MOB1A: variants seen among roughly 807,000 people sequenced by gnomAD.
MOB1A encodes MOB1 Mps One Binder homolog A.
A neutral mutation model predicts 25.1 loss-of-function variants in MOB1A; 10 were observed. The observed-to-expected ratio is 0.40, with a 90% CI of 0.25 to 0.68. The LOEUF is 0.68. Ranked by LOEUF, MOB1A falls within the 30% of genes least tolerant of loss-of-function variation. The pLI is 0.40. For synonymous variants in MOB1A, 81 were observed against 79.5 expected (o/e 1.02, Z -0.10); for missense variants, 177 against 256.3 (o/e 0.69, Z 2.11).
intron 2 of MOB1A, among the ~76,000 whole-genome samples, chr2:74,171,811 G>C (rs1305563327): frequency 6.6e-6 from 1 of 152,070 alleles, no homozygotes; most frequent in African/African-American, 2.4e-5. Flanking sequence ...ACTGAGACAG[G>C]AGAATGGCTT....
chr2:74,178,746 G>T lies in MOB1A; in HGVS notation c.-72C>A. 1 of 840,630 alleles carries T rather than the reference G, an allele frequency of 1.2e-6. No homozygotes were observed. Among genetic ancestry groups the T allele is most frequent in the East Asian group, 3.5e-5 (1 of 28,780 alleles). The allele number at this position is 840,630 out of a possible 1,614,324, so 52.1% of individuals were successfully genotyped here. A position where few individuals can be genotyped will look rare whatever the true frequency, so the allele number is the denominator to read the frequency against. ...ATCAGGATTCGGAGCTGGCTAGAGGGAGCGGACCGTCCTTAGCTCACGGGC... is the reference window on the plus strand; with the variant it reads ...ATCAGGATTCGGAGCTGGCTAGAGGTAGCGGACCGTCCTTAGCTCACGGGC... On this transcript the variant is annotated 5_prime_UTR_variant, in exon 1 of 6. Coordinates refer to ENST00000396049, the MANE Select transcript of MOB1A (RefSeq NM_018221.5).
chr2:74,168,201 T>C (rs1418570928), intron 2 of MOB1A, among the ~76,000 whole-genome samples: 1 of 152,104 alleles, frequency 6.6e-6, no homozygotes, highest in East Asian at 1.9e-4. Context: ...CGATAAATGC[T>C]ACAGAGAAAA....
chr2:74,167,465 G>A (rs1457506924), intron 2 of MOB1A, among the ~76,000 whole-genome samples: 2 of 152,084 alleles, frequency 1.3e-5, no homozygotes, highest in Non-Finnish European at 2.9e-5. Context: ...TGGCCAGGCT[G>A]GTCTTGAACT....
intron 4 of MOB1A, chr2:74,164,222 G>GA: frequency 6.6e-6 from 1 of 152,052 alleles, no homozygotes; most frequent in Non-Finnish European, 1.5e-5. Context: ...AGCATTCAGG[G>GA]AAAAAAAACT....
At chr2:74,167,197 G>A in intron 2 of MOB1A, 90 bp from the exon 3 acceptor site, 1 of 905,764 alleles carries the variant, frequency 1.1e-6, no homozygotes, top group South Asian at 1.5e-5. Flanking sequence ...ATACATTTAG[G>A]TTCTTAGCTG....
At chr2:74,177,445 A>AG (rs1427890651) in intron 1 of MOB1A, among the ~76,000 whole-genome samples, 1 of 152,236 alleles carries the variant, frequency 6.6e-6, no homozygotes, top group African/African-American at 2.4e-5. Context: ...AAAAAAGTGG[A>AG]GGAGGGAGGA....
intron 4 of MOB1A, among the ~76,000 whole-genome samples, chr2:74,159,507 G>A (rs977680743): frequency 6.6e-6 from 1 of 151,952 alleles, no homozygotes; most frequent in African/African-American, 2.4e-5. Flanking sequence ...GGCTGGTCTT[G>A]AACTCCTGAG....
At chr2:74,159,403 C>A in intron 4 of MOB1A, 149 bp from the exon 5 acceptor site, 2 of 678,624 alleles carry the variant, frequency 2.9e-6, no homozygotes, top group Non-Finnish European at 2.5e-6. Context: ...CTGATCCTCC[C>A]ACCTTGGCCC....
At chr2:74,158,194 AG>A in intron 5 of MOB1A, among the ~76,000 whole-genome samples, 1 of 94,374 alleles carries the variant, frequency 1.1e-5, no homozygotes, top group Non-Finnish European at 1.9e-5. Flanking sequence ...AAAAAAAAAA[AG>A]AGGGGGGAAA....
At chr2:74,177,603 A>G (rs1335170060) in intron 1 of MOB1A, among the ~76,000 whole-genome samples, 1 of 152,212 alleles carries the variant, frequency 6.6e-6, no homozygotes. Context: ...GCTATTTTAT[A>G]ATAGTAAATA....
intron 2 of MOB1A, among the ~76,000 whole-genome samples, chr2:74,171,083 C>T (rs1693281018): frequency 6.6e-6 from 1 of 151,966 alleles, no homozygotes; most frequent in Non-Finnish European, 1.5e-5. Context: ...AGTTCGAGAC[C>T]AGCCTGGCCA....
chr2:74,159,981 T>A (rs1333263298), intron 4 of MOB1A, among the ~76,000 whole-genome samples: 1 of 151,926 alleles, frequency 6.6e-6, no homozygotes, highest in East Asian at 1.9e-4. Flanking sequence ...TACACCTGGC[T>A]GATTTTTGTA....
intron 5 of MOB1A, 102 bp downstream of exon 5, chr2:74,158,989 T>C (rs796096117): frequency 1.9e-5 from 21 of 1,100,014 alleles, no homozygotes; most frequent in South Asian, 1.6e-4. Context: ...TTGCCTGTAA[T>C]TGGCTCTACA....
chr2:74,173,651 TAGA>T (rs1558839000), intron 1 of MOB1A, among the ~76,000 whole-genome samples: 1 of 151,110 alleles, frequency 6.6e-6, no homozygotes, highest in African/African-American at 2.4e-5. Context: ...CAAAGTGCTA[TAGA>T]AAATGATGGG....
At chr2:74,172,553 T>A in intron 2 of MOB1A, 33 bp downstream of exon 2, 1 of 1,587,622 alleles carries the variant, frequency 6.3e-7, no homozygotes, top group Non-Finnish European at 8.5e-7. Flanking sequence ...AAAACCTTTC[T>A]AGAAAACAGC....
At chr2:74,176,548 A>G (rs1471669869) in intron 1 of MOB1A, among the ~76,000 whole-genome samples, 1 of 151,896 alleles carries the variant, frequency 6.6e-6, no homozygotes, top group African/African-American at 2.4e-5. Flanking sequence ...GCGGATCACT[A>G]GGTCAGGATA....
At chr2:74,162,269 T>G (rs2103703598) in intron 4 of MOB1A, among the ~76,000 whole-genome samples, 2 of 151,928 alleles carry the variant, frequency 1.3e-5, no homozygotes, top group Middle Eastern at 6.8e-3. Context: ...TCACTTGAGG[T>G]CAGGAGTTCG....
intron 4 of MOB1A, among the ~76,000 whole-genome samples, chr2:74,161,468 C>T (rs1171473398): frequency 1.3e-5 from 2 of 151,630 alleles, no homozygotes; most frequent in East Asian, 3.9e-4. Flanking sequence ...ACAGTGAAAC[C>T]CTGTCTCTAC....
chr2:74,165,237 A>T lies in MOB1A; in HGVS notation c.390T>A (p.Thr130=), dbSNP rs760054125. ...ACTCACCAATCTTAGAAGGAAAAAG[A>T]GTTTCATCATCAAGCTGATCTTGAA... ...TWVQDQLDDE[T]LFPSKIGVPF... Residue 130 remains threonine (T), a synonymous_variant, in exon 4 of 6, where the codon ACT becomes ACA. Coordinates refer to ENST00000396049, the MANE Select transcript of MOB1A (RefSeq NM_018221.5). 9 of 1,547,918 alleles carry T rather than the reference A, an allele frequency of 5.8e-6. No individual in the cohort carries two copies. The highest frequency in any genetic ancestry group is 4.1e-5 in the African/African-American group (3 of 73,582).
Sources: gnomAD v4.1 joint callset for allele counts (sites outside exome capture counted in the v4.1 genomes callset) on GRCh38, gnomAD v4.1.1 for gene constraint, MANE v1.5 for transcripts, NCBI Gene and HGNC (gene_info 2026-07-23, HGNC 2026-07-21) for gene names.